CXADR: variants seen among roughly 807,000 people sequenced by gnomAD.
The protein encoded by CXADR is CXADR cell adhesion molecule.
CXADR carries 20 observed loss-of-function variants against 40.3 expected under a neutral mutation model. The observed-to-expected ratio is 0.50, with a 90% confidence interval of 0.35 to 0.72. The LOEUF (loss-of-function observed/expected upper bound fraction) is 0.72. Among genes scored for constraint, CXADR ranks in the 30% least tolerant of loss-of-function variants. CXADR has a pLI of 0.01. For synonymous variants in CXADR, 150 were observed against 161.3 expected (o/e 0.93, Z 0.53); for missense variants, 332 against 449.1 (o/e 0.74, Z 2.36).
chr21:17,515,381 T>C (rs893669627), intron 1 of CXADR, among the ~76,000 whole-genome samples: 3 of 151,944 alleles, frequency 2.0e-5, no homozygotes, highest in Admixed American at 6.6e-5. Context: ...CTGGGAGGTC[T>C]AAGCTCATGA....
downstream of CXADR, among the ~76,000 whole-genome samples, chr21:17,574,524 C>G (rs949771156): frequency 1.3e-5 from 2 of 152,018 alleles, no homozygotes; most frequent in African/African-American, 2.4e-5. Flanking sequence ...AAAGCAGAAC[C>G]CTGTTTTAGC....
At chr21:17,624,061 C>G in the CXADR span, among the ~76,000 whole-genome samples, 327 of 152,114 alleles carry the variant, frequency 2.1e-3, 1 homozygote, top group African/African-American at 7.6e-3. Context: ...TGCCTCTGCC[C>G]CAAACCCCCA....
intron 7 of CXADR, among the ~76,000 whole-genome samples, chr21:17,581,697 T>A (rs920833772): frequency 6.6e-6 from 1 of 151,762 alleles, no homozygotes; most frequent in Non-Finnish European, 1.5e-5. Context: ...AATAAAAAAT[T>A]AGCTGGATGT....
chr21:17,543,937 A>AG (rs1327111536), intron 1 of CXADR, among the ~76,000 whole-genome samples: 2 of 152,158 alleles, frequency 1.3e-5, no homozygotes, highest in African/African-American at 4.8e-5. Flanking sequence ...CAAAGGCAGG[A>AG]GGATTACTTG....
chr21:17,560,709 T>C lies in CXADR; in HGVS notation c.579T>C (p.Thr193=). Residue 193 remains threonine, a synonymous_variant, in exon 5 of 7, where the codon ACT becomes ACC. Transcript: ENST00000284878. ...KMPTSWLAEM[T]SSVISVKNAS... is the part of the protein sequence containing the mutation. ...TTTTTCCTCCTTCCATAGAAATGAC[T>C]TCATCTGTTATATCTGTAAAAAATG... The C allele has an allele frequency of 1.2e-6, 2 of 1,612,302 alleles. No individual in the cohort carries two copies. The highest frequency in any genetic ancestry group is 1.7e-6 in the Non-Finnish European group (2 of 1,179,408).
chr21:17,610,979 G>T, the CXADR span, among the ~76,000 whole-genome samples: 1 of 152,106 alleles, frequency 6.6e-6, no homozygotes, highest in Non-Finnish European at 1.5e-5. Context: ...TGATGGAGGG[G>T]AAGGCACACA....
At chr21:17,608,453 T>C in the CXADR span, among the ~76,000 whole-genome samples, 41 of 152,180 alleles carry the variant, frequency 2.7e-4, no homozygotes, top group African/African-American at 9.4e-4. Flanking sequence ...CACATTCATC[T>C]AGAAAATAGT....
At chr21:17,631,275 G>C in the CXADR span, among the ~76,000 whole-genome samples, 1 of 152,014 alleles carries the variant, frequency 6.6e-6, no homozygotes, top group Non-Finnish European at 1.5e-5. Context: ...TTTACAGTTC[G>C]TTGCTTTTAT....
At chr21:17,533,858 C>G (rs1448934197) in intron 1 of CXADR, among the ~76,000 whole-genome samples, 1 of 151,380 alleles carries the variant, frequency 6.6e-6, no homozygotes, top group Non-Finnish European at 1.5e-5. Flanking sequence ...CTCATTGTTA[C>G]TAATTTATCT....
intron 7 of CXADR, among the ~76,000 whole-genome samples, chr21:17,592,645 TTC>T (rs902011350): frequency 1.3e-5 from 2 of 151,862 alleles, no homozygotes; most frequent in African/African-American, 4.8e-5. Flanking sequence ...TTTCCTTTTT[TTC>T]TTTCAATAAC....
At chr21:17,624,123 C>T in the CXADR span, among the ~76,000 whole-genome samples, 189 of 152,264 alleles carry the variant, frequency 1.2e-3, 1 homozygote, top group African/African-American at 4.4e-3. Flanking sequence ...CAATGTTCTA[C>T]TAAGCCCCAC....
chr21:17,519,763 A>C (rs2060505789), intron 1 of CXADR, among the ~76,000 whole-genome samples: 1 of 152,172 alleles, frequency 6.6e-6, no homozygotes, highest in African/African-American at 2.4e-5. Context: ...TTCAGCTCCC[A>C]GCCTGGCCAA....
exon 8 of CXADR, chr21:17,593,357 T>C (rs1242783632): frequency 2.6e-5 from 16 of 608,584 alleles, no homozygotes; most frequent in Non-Finnish European, 3.6e-5. Flanking sequence ...AAGTCAGATG[T>C]CATGTCAAAA....
the CXADR span, among the ~76,000 whole-genome samples, chr21:17,622,598 T>C: frequency 1.3e-5 from 2 of 152,208 alleles, no homozygotes; most frequent in Non-Finnish European, 2.9e-5. Context: ...TAACTGGTTT[T>C]TTTTCCAGAA....
At chr21:17,532,681 G>T (rs569864054) in intron 1 of CXADR, among the ~76,000 whole-genome samples, 3 of 152,210 alleles carry the variant, frequency 2.0e-5, no homozygotes, top group Admixed American at 2.0e-4. Flanking sequence ...CAAGACATAG[G>T]GTTATGTATC....
At chr21:17,520,649 A>G (rs2060519393) in intron 1 of CXADR, among the ~76,000 whole-genome samples, 1 of 152,228 alleles carries the variant, frequency 6.6e-6, no homozygotes, top group South Asian at 2.1e-4. Context: ...GGTAGAACTG[A>G]TAGAGCTAAC....
intron 1 of CXADR, among the ~76,000 whole-genome samples, chr21:17,534,074 A>ATATATATAG (rs2060717545): frequency 2.3e-5 from 2 of 87,084 alleles, no homozygotes; most frequent in Non-Finnish European, 4.9e-5. Flanking sequence ...ATATATACAC[A>ATATATATAG]CACACACATA....
chr21:17,559,076 G>A lies in CXADR; in HGVS notation c.516G>A (p.Gln172=). 6.2e-7 allele frequency: 1 copy of A among 1,614,106 alleles called. No individual in the cohort carries two copies. Among genetic ancestry groups the A allele is most frequent in the Non-Finnish European group, 8.5e-7 (1 of 1,179,982 alleles). Residue 172 remains glutamine (Q), a synonymous_variant, in exon 4 of 7, where the codon CAG becomes CAA. Transcript: ENST00000284878. ...CAAAAGAAGGTTCACTTCCATTACA[G>A]TATGAGTGGCAAAAATTGTCTGACT... ...CEPKEGSLPL[Q]YEWQKLSDSQ... is the part of the protein sequence containing the mutation.
chr21:17,573,841 A>G (rs1389129711), downstream of CXADR, among the ~76,000 whole-genome samples: 1 of 152,232 alleles, frequency 6.6e-6, no homozygotes, highest in Admixed American at 6.5e-5. Flanking sequence ...CAGGAGGCGG[A>G]GGCTGCAGTG....
Sources: allele counts gnomAD v4.1 joint callset (sites outside exome capture counted in the v4.1 genomes callset), GRCh38; gene constraint gnomAD v4.1.1; transcripts MANE v1.5; gene names NCBI Gene and HGNC (gene_info 2026-07-23, HGNC 2026-07-21).